The following VWF variants were observed in gnomAD, a reference collection of about 807,000 sequenced individuals.
The protein encoded by VWF is Factor VIII related antigen.
A neutral mutation model predicts 308.6 loss-of-function variants in VWF; 176 were observed. The observed-to-expected ratio is 0.57, with a 90% CI of 0.50 to 0.65. The LOEUF is 0.65. Ranked by LOEUF, VWF falls within the 30% of genes least tolerant of loss-of-function variation. VWF has a pLI of 0.00. For synonymous variants in VWF, 1,385 were observed against 1,443.4 expected (o/e 0.96, Z 0.92); for missense variants, 3,146 against 3,648.2 (o/e 0.86, Z 3.55).
intron 47 of VWF, among the ~76,000 whole-genome samples, chr12:5,958,384 T>C (rs963185381): frequency 2.6e-5 from 4 of 152,162 alleles, no homozygotes; most frequent in African/African-American, 9.7e-5. Flanking sequence ...AAAGTTGATA[T>C]AGGTGTATTA....
chr12:5,961,050 G>A (rs967663969), intron 47 of VWF, among the ~76,000 whole-genome samples: 2 of 152,146 alleles, frequency 1.3e-5, no homozygotes, highest in Non-Finnish European at 2.9e-5. Flanking sequence ...ACCGTGAACT[G>A]CACATGTGAG....
chr12:6,102,300 C>T (rs961130998), intron 5 of VWF, among the ~76,000 whole-genome samples: 5 of 151,858 alleles, frequency 3.3e-5, no homozygotes, highest in South Asian at 2.1e-4. Context: ...AAATTAGCTG[C>T]GCATGGTGAT....
Position 6,058,149 on chromosome 12 carries a change from G to A in VWF, c.1534-105C>T. The stretch of plus-strand genomic sequence containing the variant: ...ATAAAAAAAAAAAAGTTCCCCGGGT[G>A]AAACATAAATATGAATGTAATAAAA... On this transcript the variant is annotated intron_variant, in intron 13 of 51. Transcript: ENST00000261405. The surrounding 1 kb of genome is among the most constrained non-coding windows in gnomAD (Gnocchi z 4.9). The A allele has an allele frequency of 9.1e-6, 12 of 1,313,356 alleles. No homozygotes were observed. Among genetic ancestry groups the A allele is most frequent in the Non-Finnish European group, 1.1e-5 (11 of 957,432 alleles). The allele number at this position is 1,313,356 out of a possible 1,614,324, so 81.4% of individuals were successfully genotyped here.
At chr12:6,121,795 G>A (rs998124864) in intron 2 of VWF, among the ~76,000 whole-genome samples, 1 of 152,020 alleles carries the variant, frequency 6.6e-6, no homozygotes, top group African/African-American at 2.4e-5. Context: ...GCCGGGTGTA[G>A]TGGTGGGCGC....
At chr12:6,091,742 G>A (rs956331693) in intron 6 of VWF, among the ~76,000 whole-genome samples, 24 of 152,116 alleles carry the variant, frequency 1.6e-4, no homozygotes, top group Non-Finnish European at 3.5e-4. Context: ...GAAACCTTAA[G>A]AACCTGCAAA....
At chr12:6,018,169 A>T (rs549168415) in intron 28 of VWF, among the ~76,000 whole-genome samples, 196 bp downstream of exon 28, 1 of 151,946 alleles carries the variant, frequency 6.6e-6, no homozygotes, top group Admixed American at 6.6e-5. Flanking sequence ...TCTTCCCCCG[A>T]AAAAGGATCA....
intron 17 of VWF, among the ~76,000 whole-genome samples, chr12:6,045,832 C>G (rs1236815536): frequency 1.3e-5 from 2 of 152,204 alleles, no homozygotes; most frequent in Non-Finnish European, 2.9e-5. Context: ...CAAGGATAAG[C>G]CTTCTGGAAG....
chr12:6,028,542 C>T (rs1200688512), intron 22 of VWF, among the ~76,000 whole-genome samples: 1 of 152,168 alleles, frequency 6.6e-6, no homozygotes, highest in South Asian at 2.1e-4. Flanking sequence ...GGAAGCCCAT[C>T]AGACTAATAG....
chr12:5,984,900 T>G, intron 40 of VWF, 145 bp downstream of exon 40: 1 of 814,878 alleles, frequency 1.2e-6, no homozygotes. Context: ...CCCTTTCCAC[T>G]TTTTTGGAGT....
At chr12:6,053,920 G>T (rs561103886) in intron 15 of VWF, among the ~76,000 whole-genome samples, 5 of 152,342 alleles carry the variant, frequency 3.3e-5, no homozygotes, top group Middle Eastern at 3.4e-3. Context: ...CTGGCATTCT[G>T]GTGACAAAAT....
rs377240952 is a variant in VWF at position 6,052,621 on chromosome 12, G to A, written c.2108C>T (p.Pro703Leu). 1.2e-6 allele frequency: 2 copies of A among 1,614,112 alleles called. No individual in the cohort carries two copies. Among genetic ancestry groups the A allele is most frequent in the Non-Finnish European group, 1.7e-6 (2 of 1,180,048 alleles). Reference protein sequence around the residue: ...LYMDERGDCVPKAQCPCYYDG... With the variant: ...LYMDERGDCVLKAQCPCYYDG... ...ATAGTAACAGGGGCACTGGGCCTTG[G>A]GCACGCAGTCCCCCCTCTCATCCAT... Residue 703 changes from proline to leucine, a missense_variant, in exon 16 of 52, where the codon CCC (proline) becomes CTC (leucine). Pro to Leu is a moderately conservative substitution (Grantham distance 98). Around this residue, in one of 3 missense-constraint regions of VWF, gnomAD observed 1,304 missense variants for 1,353.0 expected, o/e 0.96. Transcript: ENST00000261405.
In VWF at chr12:6,025,618, T is replaced by A; in HGVS notation, c.3184A>T (p.Ile1062Phe). 1.9e-6 allele frequency: 3 copies of A among 1,540,932 alleles called. No individual in the cohort carries two copies. Among genetic ancestry groups the A allele is most frequent in the Non-Finnish European group, 2.7e-6 (3 of 1,116,510 alleles). ...TCCTGGAAGACGTCACTGGTAAGGA[T>A]TCTACAGGAGGAATCCACCATCGTC... ...KQTMVDSSCR[I>F]LTSDVFQDCN... The change falls in exon 24 of 52, where the codon ATC becomes TTC. Residue 1062 changes from isoleucine (I) to phenylalanine (F), a missense_variant. Ile to Phe is a conservative substitution (Grantham distance 21). Transcript: ENST00000261405.
chr12:6,015,084 G>GT (rs1944041266), intron 31 of VWF, among the ~76,000 whole-genome samples: 1 of 152,148 alleles, frequency 6.6e-6, no homozygotes, highest in South Asian at 2.1e-4. Context: ...TTGTAAGTTC[G>GT]TTATATTATC....
chr12:6,065,212 G>T lies in VWF; in HGVS notation c.1218C>A (p.Phe406Leu). ...FKSFDNRYFTFSGICQYLLAR... is the reference protein window; with the variant it reads ...FKSFDNRYFTLSGICQYLLAR... ...CCAGCAGGTACTGGCAGATCCCACT[G>T]AAGGTGAAGTATCTGTTGTCAAAGC... Residue 406 changes from phenylalanine to leucine, a missense_variant, in exon 11 of 52, where the codon TTC becomes TTA. Around this residue, in one of 3 missense-constraint regions of VWF, gnomAD observed 1,304 missense variants for 1,353.0 expected, o/e 0.96. Coordinates refer to ENST00000261405, the MANE Select transcript of VWF (RefSeq NM_000552.5). 6.2e-7 allele frequency: 1 copy of T among 1,614,230 alleles called. No individual in the cohort carries two copies. Among genetic ancestry groups the T allele is most frequent in the East Asian group, 2.2e-5 (1 of 44,880 alleles).
chr12:5,974,491 C>T (rs562379986), intron 43 of VWF, among the ~76,000 whole-genome samples: 2 of 152,176 alleles, frequency 1.3e-5, no homozygotes, highest in African/African-American at 4.8e-5. Flanking sequence ...ACCTGCAGCT[C>T]CCCCAATAGT....
In VWF at chr12:5,983,195, G is replaced by T. The variant is rs780706642; in HGVS notation, c.7036C>A (p.Pro2346Thr). The T allele has an allele frequency of 6.2e-7, 1 of 1,614,000 alleles. No homozygotes were observed. Among genetic ancestry groups the T allele is most frequent in the Non-Finnish European group, 8.5e-7 (1 of 1,180,006 alleles). Reference sequence around the variant, plus strand: ...CACTCGCCAGGGTTGGTCAGTGTGGGCTGGAGGCCACGTTCACAGTGAGGC... The same window carrying T: ...CACTCGCCAGGGTTGGTCAGTGTGGTCTGGAGGCCACGTTCACAGTGAGGC... ...PVPHCERGLQ[P>T]TLTNPGECRP... The change falls in exon 41 of 52, where the codon CCC (proline) becomes ACC (threonine). Residue 2346 changes from proline (P) to threonine (T), a missense_variant. This residue lies in a region of VWF where 989 missense variants were observed against 1,117.4 expected (regional missense o/e 0.89). Transcript: ENST00000261405.
chr12:6,056,848 G>A lies in VWF; in HGVS notation c.1945+9C>T, dbSNP rs1170849230. ...GGCCCGGAGGGCTGCGGGCAGGGAG[G>A]GCACGCACCACAGCGGCCTGGCTCG... is the stretch of plus-strand genomic sequence containing the variant. On this transcript the variant is annotated intron_variant, in intron 15 of 51. Transcript: ENST00000261405. 7 of 1,393,126 alleles carry A rather than the reference G, an allele frequency of 5.0e-6. No individual in the cohort carries two copies. The highest frequency in any genetic ancestry group is 7.1e-5 in the Admixed American group (2 of 28,348). The allele number at this position is 1,393,126 out of a possible 1,614,324, so 86.3% of individuals were successfully genotyped here.
Position 5,980,562 on chromosome 12 carries a change from A to G in VWF, c.7287+1224T>C, listed in dbSNP as rs542397148. Among the ~76,000 whole-genome samples the G allele has an allele frequency of 2.0e-5, 3 of 152,338 alleles. No individual in the cohort carries two copies. The East Asian group carries it at 5.8e-4, about 29-fold the overall frequency. On this transcript the variant is annotated intron_variant, in intron 42 of 51. Transcript: ENST00000261405. ...ACTATAGATTAAAGACACACAAGAA[A>G]CATTAATAGAAAAACAGCAAGGCAG...
intron 39 of VWF, 48 bp downstream of exon 39, chr12:5,985,515 G>A: frequency 6.3e-7 from 1 of 1,585,560 alleles, no homozygotes. Context: ...GGGCCTTGCA[G>A]GGGCCCTTGT....
Sources: allele counts gnomAD v4.1 joint callset (sites outside exome capture counted in the v4.1 genomes callset), GRCh38; gene constraint gnomAD v4.1.1; regional missense constraint gnomAD v4.1.1; non-coding constraint Gnocchi (gnomAD v3.1); transcripts MANE v1.5; gene names NCBI Gene and HGNC (gene_info 2026-07-23, HGNC 2026-07-21).